PRCC: variants seen among roughly 807,000 people sequenced by gnomAD.
PRCC encodes the protein proline rich mitotic checkpoint control factor.
Under a neutral mutation model 44.0 loss-of-function variants are expected in PRCC, and 10 were observed. The ratio of observed to expected loss-of-function variants is 0.23; its 90% CI spans 0.14 to 0.39. The LOEUF (loss-of-function observed/expected upper bound fraction) is 0.39. Among genes scored for constraint, PRCC ranks in the 10% least tolerant of loss-of-function variants. The pLI, the probability that PRCC is intolerant of heterozygous loss-of-function variation, is 1.00. For synonymous variants in PRCC, 278 were observed against 259.5 expected (o/e 1.07, Z -0.69); for missense variants, 573 against 624.7 (o/e 0.92, Z 0.88).
intron 5 of PRCC, among the ~76,000 whole-genome samples, 193 bp downstream of exon 5, chr1:156,795,001 T>G (rs187499741): frequency 6.6e-6 from 1 of 152,238 alleles, no homozygotes; most frequent in East Asian, 1.9e-4. Flanking sequence ...TTGCAGGACT[T>G]TAACAGCTCT....
chr1:156,769,706 T>C (rs1241570108), intron 1 of PRCC, among the ~76,000 whole-genome samples: 1 of 152,106 alleles, frequency 6.6e-6, no homozygotes, highest in African/African-American at 2.4e-5. Context: ...TTCACGCCAT[T>C]CTCCTGCCTC....
chr1:156,774,364 G>A (rs1260027309), intron 1 of PRCC, among the ~76,000 whole-genome samples: 5 of 151,424 alleles, frequency 3.3e-5, no homozygotes, highest in African/African-American at 9.7e-5. Flanking sequence ...TAGTAGAGAC[G>A]GGGTTTCACC....
chr1:156,794,192 G>A (rs2102772234), intron 4 of PRCC, among the ~76,000 whole-genome samples: 1 of 151,838 alleles, frequency 6.6e-6, no homozygotes, highest in South Asian at 2.1e-4. Flanking sequence ...CCCGACCTCA[G>A]GTGATCCGCC....
chr1:156,771,463 G>A (rs1051253245), intron 1 of PRCC, among the ~76,000 whole-genome samples: 1 of 152,178 alleles, frequency 6.6e-6, no homozygotes, highest in African/African-American at 2.4e-5. Context: ...GAGAACTGGA[G>A]CATCGAGGTA....
intron 1 of PRCC, among the ~76,000 whole-genome samples, chr1:156,774,102 G>A (rs1651729535): frequency 6.6e-6 from 1 of 150,610 alleles, no homozygotes; most frequent in East Asian, 1.9e-4. Flanking sequence ...GGGGGAGGTG[G>A]GGATAAAGAG....
intron 4 of PRCC, among the ~76,000 whole-genome samples, chr1:156,793,378 A>T (rs973924281): frequency 4.6e-5 from 7 of 151,962 alleles, no homozygotes; most frequent in Non-Finnish European, 1.0e-4. Flanking sequence ...TTAAAATTCT[A>T]TTCCTTCTTC....
chr1:156,787,261 G>A (rs1571587502), intron 3 of PRCC, 87 bp downstream of exon 3: 1 of 1,408,864 alleles, frequency 7.1e-7, no homozygotes, highest in East Asian at 2.3e-5. Context: ...AGCCTCTGTG[G>A]TGTCACTTTG....
At position 156,767,889 on chromosome 1, in the gene PRCC, G is replaced by A. The variant is rs755270609; in HGVS notation, c.118G>A (p.Ala40Thr). The A allele has an allele frequency of 1.7e-5, 28 of 1,604,706 alleles. No homozygotes were observed. In the Middle Eastern group the frequency reaches 5.4e-4, roughly 31 times the overall value. ...TSGPALGGLF[A>T]SLPAPKGPAL... ...TGGGCCCGCTTTAGGGGGCTTGTTCGCTTCTCTCCCTGCGCCCAAGGGTCC... is the reference window on the plus strand; with the variant it reads ...TGGGCCCGCTTTAGGGGGCTTGTTCACTTCTCTCCCTGCGCCCAAGGGTCC... Residue 40 changes from alanine (A) to threonine (T), a missense_variant, in exon 1 of 7, where the codon GCT becomes ACT. This residue lies in a region of PRCC where 245 missense variants were observed against 188.5 expected (regional missense o/e 1.30). Coordinates refer to ENST00000271526, the MANE Select transcript of PRCC (RefSeq NM_005973.5).
Position 156,767,897 on chromosome 1 carries a change from C to G in PRCC, c.126C>G (p.Leu42=), listed in dbSNP as rs777115529. The G allele has an allele frequency of 2.5e-6, 4 of 1,604,010 alleles. No individual in the cohort carries two copies. Among genetic ancestry groups the G allele is most frequent in the Non-Finnish European group, 3.4e-6 (4 of 1,176,122 alleles). The change falls in exon 1 of 7, where the codon CTC becomes CTG. Residue 42 remains leucine, a synonymous_variant. Transcript: ENST00000271526. ...GPALGGLFAS[L]PAPKGPALLP... is the part of the protein sequence containing the mutation. ...CTTTAGGGGGCTTGTTCGCTTCTCT[C>G]CCTGCGCCCAAGGGTCCGGCCTTGC...
intron 5 of PRCC, among the ~76,000 whole-genome samples, chr1:156,795,333 G>A (rs1470415078): frequency 9.0e-6 from 1 of 110,682 alleles, no homozygotes; most frequent in Non-Finnish European, 1.7e-5. Context: ...TGTTGCCCAG[G>A]CTGGCATGCA....
At position 156,767,911 on chromosome 1, in the gene PRCC, G is replaced by C; in HGVS notation, c.140G>C (p.Gly47Ala). ...TTCGCTTCTCTCCCTGCGCCCAAGGGTCCGGCCTTGCTGCCTCCGCCCCCT... is the reference window on the plus strand; with the variant it reads ...TTCGCTTCTCTCCCTGCGCCCAAGGCTCCGGCCTTGCTGCCTCCGCCCCCT... ...GLFASLPAPK[G>A]PALLPPPPQM... is the part of the protein sequence containing the mutation. The change falls in exon 1 of 7, where the codon GGT becomes GCT. Residue 47 changes from glycine (G) to alanine (A), a missense_variant. This residue lies in a region of PRCC where 245 missense variants were observed against 188.5 expected (regional missense o/e 1.30). Coordinates refer to ENST00000271526, the MANE Select transcript of PRCC (RefSeq NM_005973.5). The C allele has an allele frequency of 6.2e-7, 1 of 1,600,582 alleles. No homozygotes were observed. Among genetic ancestry groups the C allele is most frequent in the Non-Finnish European group, 8.5e-7 (1 of 1,174,250 alleles).
chr1:156,791,302 C>T (rs1000968408), intron 3 of PRCC: 4 of 586,070 alleles, frequency 6.8e-6, no homozygotes, highest in South Asian at 5.2e-5. Context: ...ACCTTCTCGT[C>T]CCTGCTCGCA....
intron 3 of PRCC, chr1:156,790,917 G>A (rs546243085): frequency 2.2e-6 from 1 of 455,480 alleles, no homozygotes; most frequent in African/African-American, 2.0e-5. Context: ...TAAAACAAAT[G>A]TTCTTAGAAG....
At chr1:156,788,025 G>A (rs1259114338) in intron 3 of PRCC, among the ~76,000 whole-genome samples, 6 of 152,014 alleles carry the variant, frequency 3.9e-5, no homozygotes, top group Admixed American at 6.5e-5. Context: ...TAGTAGAGAC[G>A]GGGTTTCACT....
chr1:156,787,450 G>T lies in PRCC; in HGVS notation c.1083+276G>T, dbSNP rs10529577. 1.0e-3 allele frequency among the ~76,000 whole-genome samples: 126 copies of T among 124,892 alleles called. 2 individuals carry two copies. The highest frequency in any genetic ancestry group is 3.9e-3 in the African/African-American group (119 of 30,794). The allele number at this position is 124,892 out of a possible 152,430, so 81.9% of individuals were successfully genotyped here. ...ATAATATTTGTACATATTTGTGATT[G>T]ATATATATATATATATATATATATA... On this transcript the variant is annotated intron_variant, in intron 3 of 6. Transcript: ENST00000271526.
rs201099299 is a variant in PRCC, at chr1:156,796,882, C to G, written c.1324-394C>G. 85 of 177,210 alleles carry G rather than the reference C, an allele frequency of 4.8e-4. 1 individual carries two copies. In the East Asian group the frequency reaches 8.3e-3, roughly 17 times the overall value. 11.0% of individuals were successfully genotyped at this position (177,210 alleles called of 1,614,324 possible). A position where few individuals can be genotyped will look rare whatever the true frequency, so the allele number is the denominator to read the frequency against. On this transcript the variant is annotated intron_variant, in intron 5 of 6. Transcript: ENST00000271526. Reference sequence around the variant, plus strand: ...GCCTGGCAGGGGGGCAGAAGGTCACCTGTGCCCTGGCCCACAAACTGTTTC... The same window carrying G: ...GCCTGGCAGGGGGGCAGAAGGTCACGTGTGCCCTGGCCCACAAACTGTTTC...
At position 156,794,824 on chromosome 1, in the gene PRCC, C is replaced by CT. The variant is rs747304685; in HGVS notation, c.1323+17dup. 2.5e-6 allele frequency: 4 copies of CT among 1,613,988 alleles called. No individual in the cohort carries two copies. Among genetic ancestry groups the CT allele is most frequent in the Non-Finnish European group, 3.4e-6 (4 of 1,179,950 alleles). ...ATTCAGCAAAGTAAGTGGGAAACGT[C>CT]TATTGAGTGGTCAGCTTGGGAAGCT... is the stretch of plus-strand genomic sequence containing the variant. On this transcript the variant is annotated intron_variant, in intron 5 of 6. Coordinates refer to ENST00000271526, the MANE Select transcript of PRCC (RefSeq NM_005973.5).
chr1:156,773,748 C>T (rs1651717146), intron 1 of PRCC, among the ~76,000 whole-genome samples: 1 of 152,156 alleles, frequency 6.6e-6, no homozygotes, highest in South Asian at 2.1e-4. Flanking sequence ...CCACCAATTT[C>T]ACTTCTAGGT....
chr1:156,768,335 G>T, intron 1 of PRCC, 96 bp downstream of exon 1: 4 of 1,282,728 alleles, frequency 3.1e-6, no homozygotes, highest in Non-Finnish European at 4.3e-6. Context: ...TCCTACAAAC[G>T]CATCCGTGGA....
Sources: gnomAD v4.1 joint callset for allele counts (sites outside exome capture counted in the v4.1 genomes callset) on GRCh38, gnomAD v4.1.1 for gene constraint, gnomAD v4.1.1 regional missense constraint, MANE v1.5 for transcripts, NCBI Gene and HGNC (gene_info 2026-07-23, HGNC 2026-07-21) for gene names.